The following HIVEP3 variants were observed in gnomAD, a reference collection of about 807,000 sequenced individuals.
The protein encoded by HIVEP3 is HIVEP zinc finger 3.
HIVEP3 carries 49 observed loss-of-function variants against 152.8 expected under a neutral mutation model. The ratio of observed to expected loss-of-function variants is 0.32; its 90% CI spans 0.26 to 0.41. The LOEUF is 0.41. Ranked by LOEUF, HIVEP3 falls within the 10% of genes least tolerant of loss-of-function variation. HIVEP3 has a pLI of 1.00. For synonymous variants in HIVEP3, 1,269 were observed against 1,289.0 expected, an observed-to-expected ratio of 0.98 and a Z score of 0.33; for missense variants, 2,790 against 3,103.3, an observed-to-expected ratio of 0.90 and a Z score of 2.40.
intron 1 of HIVEP3, among the ~76,000 whole-genome samples, chr1:42,016,272 G>A (rs549740485): frequency 1.3e-5 from 2 of 152,212 alleles, no homozygotes; most frequent in South Asian, 4.2e-4. Context: ...CAAACGAAAT[G>A]CAGGGTGCAT....
chr1:41,554,306 G>A (rs539486019), intron 5 of HIVEP3, among the ~76,000 whole-genome samples: 208 of 152,212 alleles, frequency 1.4e-3, no homozygotes, highest in African/African-American at 2.6e-3. Flanking sequence ...CATGCGTCAC[G>A]TAGTTCTTGT....
In HIVEP3 at chr1:41,606,585, C is replaced by T. The variant is rs76368960; in HGVS notation, c.-521-21267G>A. 5.5e-3 allele frequency among the ~76,000 whole-genome samples: 829 copies of T among 151,760 alleles called. 28 individuals are homozygous for T. Among genetic ancestry groups the T allele is most frequent in the African/African-American group, 0.019 (773 of 41,214 alleles). On this transcript the variant is annotated intron_variant, in intron 3 of 8. Coordinates refer to ENST00000372583, the MANE Select transcript of HIVEP3 (RefSeq NM_024503.5). ...TGGTCACAAGAAGAAAAATGGATAG[C>T]TTCCTTCACTTCTTCTTGAACCTCA...
chr1:42,012,868 G>T (rs1190151515), intron 1 of HIVEP3, among the ~76,000 whole-genome samples: 1 of 152,142 alleles, frequency 6.6e-6, no homozygotes, highest in African/African-American at 2.4e-5. Flanking sequence ...AATATCTGTT[G>T]TTTAACCCAC....
At chr1:41,663,149 G>C (rs1157463301) in intron 2 of HIVEP3, among the ~76,000 whole-genome samples, 1 of 152,238 alleles carries the variant, frequency 6.6e-6, no homozygotes, top group Non-Finnish European at 1.5e-5. Context: ...ACAGGTCTGC[G>C]GGAAGGCCAG....
intron 1 of HIVEP3, among the ~76,000 whole-genome samples, chr1:41,892,164 A>T (rs1644456843): frequency 6.6e-6 from 1 of 152,216 alleles, no homozygotes; most frequent in South Asian, 2.1e-4. Flanking sequence ...ACATTCAAAC[A>T]AGACACTGCA....
Position 41,738,778 on chromosome 1 carries a change from C to G in HIVEP3, c.-800-37783G>C, listed in dbSNP as rs777633388. ...CAGTAAAATGGGGCAGCTGTCTTGG[C>G]AGCTATAGGGATTCCTGGGCCCACC... On this transcript the variant is annotated intron_variant, in intron 1 of 8. Coordinates refer to ENST00000372583, the MANE Select transcript of HIVEP3 (RefSeq NM_024503.5). Among the ~76,000 whole-genome samples the G allele has an allele frequency of 5.9e-5, 9 of 152,192 alleles. No individual in the cohort carries two copies. In the South Asian group the frequency reaches 1.4e-3, roughly 24 times the overall value.
intron 2 of HIVEP3, among the ~76,000 whole-genome samples, chr1:41,648,981 G>A (rs187800229): frequency 6.6e-5 from 10 of 152,216 alleles, no homozygotes; most frequent in Admixed American, 4.6e-4. Flanking sequence ...GAGCCTCTGC[G>A]TCCTTGTCTG....
At chr1:42,027,781 G>T (rs529265935) in intron 1 of HIVEP3, among the ~76,000 whole-genome samples, 1 of 152,300 alleles carries the variant, frequency 6.6e-6, no homozygotes, top group South Asian at 2.1e-4. Flanking sequence ...GCGGTGGCAA[G>T]AGAAAAATGA....
chr1:41,773,972 C>T (rs980971478), intron 1 of HIVEP3, among the ~76,000 whole-genome samples: 1 of 152,304 alleles, frequency 6.6e-6, no homozygotes, highest in African/African-American at 2.4e-5. Flanking sequence ...ATTCAGTAGG[C>T]CTGAGTTAAA....
chr1:41,704,633 G>A (rs546687374), intron 1 of HIVEP3, among the ~76,000 whole-genome samples: 17 of 152,292 alleles, frequency 1.1e-4, no homozygotes, highest in Admixed American at 3.9e-4. Context: ...TCTTTGCCTC[G>A]TTTAGACTTC....
Position 41,510,862 on chromosome 1 carries a change from C to T in HIVEP3, c.6810G>A (p.Glu2270=). ...VSKFTLSSEL[E]GGDYPKERER... Reference sequence around the variant, plus strand: ...CCCTCTCCTTGGGGTAGTCCCCGCCCTCCAGCTCTGAGGAGAGTGTGAATT... The same window carrying T: ...CCCTCTCCTTGGGGTAGTCCCCGCCTTCCAGCTCTGAGGAGAGTGTGAATT... The change falls in exon 9 of 9, where the codon GAG becomes GAA. Residue 2270 remains glutamate, a synonymous_variant. Coordinates refer to ENST00000372583, the MANE Select transcript of HIVEP3 (RefSeq NM_024503.5). The T allele has an allele frequency of 6.2e-7, 1 of 1,613,366 alleles. No homozygotes were observed. The highest frequency in any genetic ancestry group is 8.5e-7 in the Non-Finnish European group (1 of 1,179,884).
intron 7 of HIVEP3, among the ~76,000 whole-genome samples, chr1:41,516,483 C>A (rs980964062): frequency 3.9e-5 from 6 of 152,186 alleles, no homozygotes; most frequent in African/African-American, 7.2e-5. Context: ...TTTCGTTCTT[C>A]CCCCTCTCTT....
intron 1 of HIVEP3, among the ~76,000 whole-genome samples, chr1:41,812,780 C>A (rs1166609177): frequency 6.6e-6 from 1 of 151,496 alleles, no homozygotes; most frequent in Non-Finnish European, 1.5e-5. Context: ...AACAGAGTGT[C>A]CCCTTCCCTG....
intron 1 of HIVEP3, among the ~76,000 whole-genome samples, chr1:41,973,599 T>C (rs918412151): frequency 6.6e-6 from 1 of 152,250 alleles, no homozygotes; most frequent in South Asian, 2.1e-4. Context: ...ACAGAAATTA[T>C]AGTCTTTTGT....
intron 3 of HIVEP3, among the ~76,000 whole-genome samples, chr1:41,590,614 G>A (rs1644573852): frequency 6.6e-6 from 1 of 152,230 alleles, no homozygotes; most frequent in African/African-American, 2.4e-5. Context: ...ACATCTTTGA[G>A]CTTGTTACTT....
intron 5 of HIVEP3, among the ~76,000 whole-genome samples, chr1:41,530,518 G>A (rs1359734665): frequency 6.6e-6 from 1 of 152,202 alleles, no homozygotes; most frequent in Non-Finnish European, 1.5e-5. Flanking sequence ...AAGACAGAGT[G>A]AGGACAGCTT....
intron 1 of HIVEP3, among the ~76,000 whole-genome samples, chr1:41,929,722 G>GTT (rs1491092962): frequency 2.7e-5 from 1 of 37,632 alleles, no homozygotes. Context: ...GTGTATATGT[G>GTT]TTTTTATATA....
chr1:41,517,007 T>C (rs1642627031), intron 7 of HIVEP3, among the ~76,000 whole-genome samples: 1 of 152,232 alleles, frequency 6.6e-6, no homozygotes, highest in Admixed American at 6.5e-5. Flanking sequence ...GTTTTATTTA[T>C]TGCGGAACCC....
chr1:41,631,779 T>C (rs1645198912), intron 2 of HIVEP3, among the ~76,000 whole-genome samples: 1 of 152,196 alleles, frequency 6.6e-6, no homozygotes, highest in Admixed American at 6.5e-5. Context: ...CTATCCTCCC[T>C]GATCTGACCT....
Sources: gnomAD v4.1 joint callset for allele counts (sites outside exome capture counted in the v4.1 genomes callset) on GRCh38, gnomAD v4.1.1 for gene constraint, MANE v1.5 for transcripts, NCBI Gene and HGNC (gene_info 2026-07-23, HGNC 2026-07-21) for gene names.